Variants in SLC16A2 observed in about 807,000 individuals in gnomAD.
SLC16A2 encodes the protein solute carrier family 16 member 2.
SLC16A2 carries 3 observed loss-of-function variants against 27.2 expected under a neutral mutation model. The ratio of observed to expected loss-of-function variants is 0.11; its 90% CI spans 0.05 to 0.28. The LOEUF (loss-of-function observed/expected upper bound fraction) is 0.28, where lower values mean the gene tolerates loss of function less well. Ranked by LOEUF, SLC16A2 falls within the 10% of genes least tolerant of loss-of-function variation. SLC16A2 has a pLI of 1.00. For missense variants in SLC16A2, 295 were observed against 458.5 expected (o/e 0.64, Z 3.26); for synonymous variants, 202 against 187.8 (o/e 1.08, Z -0.62).
chrX:74,524,175 C>T (rs1212892594), intron 2 of SLC16A2, among the ~76,000 whole-genome samples, 184 bp from the exon 3 acceptor site: 1 of 111,761 alleles, frequency 8.9e-6, no homozygotes, highest in African/African-American at 3.3e-5. Context: ...CCTCGCTGAG[C>T]CTCTGCTTCC....
intron 1 of SLC16A2, among the ~76,000 whole-genome samples, chrX:74,439,530 G>T (rs12008794): frequency 1.3e-4 from 12 of 93,458 alleles, no homozygotes; most frequent in Non-Finnish European, 2.5e-4. Flanking sequence ...CAAACTCTTA[G>T]GCTCAAGTGA....
At position 74,524,948 on chromosome X, in the gene SLC16A2, G is replaced by A. The variant is rs1261574492; in HGVS notation, c.1026+139G>A. 5.2e-6 allele frequency: 3 copies of A among 576,011 alleles called. No individual in the cohort carries two copies. The African/African-American group carries it at 6.8e-5, about 13-fold the overall frequency. The allele number at this position is 576,011 out of a possible 1,213,427, so 47.5% of individuals were successfully genotyped here. A position where few individuals can be genotyped will look rare whatever the true frequency, so the allele number is the denominator to read the frequency against. ...TGGGAAAAGAAACAAAATATTGGTT[G>A]GAGAGATCCAGAGAGGGAAAAAGAG... On this transcript the variant is annotated intron_variant, in intron 3 of 5. Transcript: ENST00000587091.
chrX:74,435,018 G>A (rs1376807075), intron 1 of SLC16A2, among the ~76,000 whole-genome samples: 5 of 106,098 alleles, frequency 4.7e-5, no homozygotes, highest in African/African-American at 1.4e-4. Flanking sequence ...TTTTAGTAGA[G>A]ACGGGGTTTC....
intron 1 of SLC16A2, among the ~76,000 whole-genome samples, chrX:74,427,811 GCACACACA>G (rs35510872): frequency 1.1e-3 from 110 of 101,723 alleles, no homozygotes; most frequent in South Asian, 2.8e-3. Flanking sequence ...GCACGCGCGC[GCACACACA>G]CACACACACA....
chrX:74,461,987 C>T (rs1472421893), intron 1 of SLC16A2, among the ~76,000 whole-genome samples: 2 of 111,635 alleles, frequency 1.8e-5, no homozygotes, highest in African/African-American at 6.5e-5. Flanking sequence ...GGAGTGTCTC[C>T]TCCTGAGCCT....
intron 1 of SLC16A2, among the ~76,000 whole-genome samples, chrX:74,486,316 A>G (rs1929720504): frequency 2.7e-5 from 3 of 112,186 alleles, no homozygotes; most frequent in South Asian, 7.3e-4. Flanking sequence ...CTTTAATTCT[A>G]TAGGAAGCAG....
intron 1 of SLC16A2, among the ~76,000 whole-genome samples, chrX:74,442,733 G>A (rs763841534): frequency 8.9e-6 from 1 of 112,088 alleles, no homozygotes; most frequent in Non-Finnish European, 1.9e-5. Flanking sequence ...AAGGCGGGTG[G>A]ATCATGAGGT....
chrX:74,430,400 C>T (rs183861120), intron 1 of SLC16A2, among the ~76,000 whole-genome samples: 9 of 111,359 alleles, frequency 8.1e-5, no homozygotes, highest in Middle Eastern at 9.2e-3. Flanking sequence ...CTGTACCTTC[C>T]GGCATCCTTA....
intron 1 of SLC16A2, among the ~76,000 whole-genome samples, chrX:74,454,665 C>T (rs1929010283): frequency 9.1e-6 from 1 of 109,595 alleles, no homozygotes; most frequent in African/African-American, 3.3e-5. Context: ...CAACATGGCA[C>T]ATGTATACAT....
At chrX:74,432,657 C>G (rs1238986215) in intron 1 of SLC16A2, among the ~76,000 whole-genome samples, 1 of 111,800 alleles carries the variant, frequency 8.9e-6, no homozygotes, top group Non-Finnish European at 1.9e-5. Context: ...TGGTTCCCAT[C>G]TTAAGGTGAA....
intron 1 of SLC16A2, among the ~76,000 whole-genome samples, chrX:74,482,003 A>G (rs1328238427): frequency 9.1e-6 from 1 of 110,209 alleles, no homozygotes. Context: ...CCTAGGCCCT[A>G]GCTCCTAATG....
intron 1 of SLC16A2, among the ~76,000 whole-genome samples, chrX:74,425,556 G>T (rs139029239): frequency 1.2e-3 from 134 of 111,290 alleles, no homozygotes; most frequent in Non-Finnish European, 2.1e-3. Context: ...AGGCAATTCT[G>T]TGGAAAGTAA....
chrX:74,428,256 T>G (rs1240965421), intron 1 of SLC16A2, among the ~76,000 whole-genome samples: 2 of 110,857 alleles, frequency 1.8e-5, no homozygotes, highest in Non-Finnish European at 3.8e-5. Flanking sequence ...TAATGTGAAA[T>G]CGCTTGACAC....
intron 1 of SLC16A2, among the ~76,000 whole-genome samples, chrX:74,514,351 C>G (rs1163608380): frequency 9.0e-6 from 1 of 110,666 alleles, no homozygotes; most frequent in African/African-American, 3.3e-5. Context: ...AATAATCCCT[C>G]TACTCCAGCC....
At position 74,421,529 on chromosome X, in the gene SLC16A2, C is replaced by A. The variant is rs770857110; in HGVS notation, c.-109C>A. ...GCGCGGAGCCTGGAGGAGGAGGCAG[C>A]GGCAGCGGCAGCAGCAGCCCTCCGA... is the stretch of plus-strand genomic sequence containing the variant. On this transcript the variant is annotated 5_prime_UTR_variant, in exon 1 of 6. Transcript: ENST00000587091. The A allele has an allele frequency of 5.9e-6, 6 of 1,015,519 alleles. No individual in the cohort carries two copies. Among genetic ancestry groups the A allele is most frequent in the Admixed American group, 5.1e-5 (2 of 39,513 alleles). The allele number at this position is 1,015,519 out of a possible 1,213,427, so 83.7% of individuals were successfully genotyped here. A position where few individuals can be genotyped will look rare whatever the true frequency, so the allele number is the denominator to read the frequency against.
intron 1 of SLC16A2, among the ~76,000 whole-genome samples, chrX:74,458,539 G>A (rs1433923371): frequency 9.1e-6 from 1 of 110,384 alleles, no homozygotes; most frequent in Non-Finnish European, 1.9e-5. Flanking sequence ...GTAGAGACGG[G>A]GTTTCTCCAT....
chrX:74,480,726 T>G (rs5981629), intron 1 of SLC16A2, among the ~76,000 whole-genome samples: 3,171 of 112,390 alleles, frequency 0.028, 46 homozygotes, highest in Middle Eastern at 0.092. Context: ...GCCTTTTATT[T>G]CCTTTTCTTG....
intron 1 of SLC16A2, among the ~76,000 whole-genome samples, chrX:74,441,109 G>A (rs1258597800): frequency 9.2e-6 from 1 of 108,944 alleles, no homozygotes; most frequent in Non-Finnish European, 1.9e-5. Context: ...CCAGGCTAGA[G>A]TGCAGTGACA....
At position 74,421,610 on chromosome X, in the gene SLC16A2, C is replaced by G; in HGVS notation, c.-28C>G. 2 of 1,201,638 alleles carry G rather than the reference C, an allele frequency of 1.7e-6. No individual in the cohort carries two copies. The highest frequency in any genetic ancestry group is 3.0e-5 in the East Asian group (1 of 33,538). ...ACCAGCCACAAAGCGGCTCCTCTGG[C>G]CCAAGCAGCCACAGTCCCCCCGCCG... On this transcript the variant is annotated 5_prime_UTR_variant, in exon 1 of 6. Transcript: ENST00000587091.
Sources: gnomAD v4.1 joint callset for allele counts (sites outside exome capture counted in the v4.1 genomes callset) on GRCh38, gnomAD v4.1.1 for gene constraint, MANE v1.5 for transcripts, NCBI Gene and HGNC (gene_info 2026-07-23, HGNC 2026-07-21) for gene names.